The following HOXA3 variants were observed in gnomAD, a reference collection of about 807,000 sequenced individuals.
HOXA3 encodes the protein homeobox protein Hox-A3.
In HOXA3, 8 loss-of-function variants were observed where a neutral mutation model predicts 30.3. The ratio of observed to expected loss-of-function variants is 0.26; its 90% CI spans 0.15 to 0.48. HOXA3 has a LOEUF of 0.48. Among genes scored for constraint, HOXA3 ranks in the 20% least tolerant of loss-of-function variants. The pLI, the probability that HOXA3 is intolerant of heterozygous loss-of-function variation, is 0.99. For synonymous variants in HOXA3, 323 were observed against 273.1 expected, an observed-to-expected ratio of 1.18 and a Z score of -1.80; for missense variants, 653 against 614.4, an observed-to-expected ratio of 1.06 and a Z score of -0.66.
At position 27,145,451 on chromosome 7, in the gene HOXA3, T is replaced by TTTG. The variant is rs1782721567; in HGVS notation, c.-493-5266_-493-5265insCAA. ...CTGGTATTGGCTGTGTGTGAGGTTT[T>TTTG]GTTTTGTTTTGTTTTGTTTTGTTTT... On this transcript the variant is annotated intron_variant, in intron 1 of 5. Transcript: ENST00000612286. The TTTG allele has an allele frequency of 8.8e-5, 36 of 407,048 alleles. 1 individual carries two copies. Among genetic ancestry groups the TTTG allele is most frequent in the Admixed American group, 2.4e-4 (4 of 16,696 alleles). The allele number at this position is 407,048 out of a possible 1,614,324, so 25.2% of individuals were successfully genotyped here. A position where few individuals can be genotyped will look rare whatever the true frequency, so the allele number is the denominator to read the frequency against.
intron 1 of HOXA3, among the ~76,000 whole-genome samples, chr7:27,143,922 C>T (rs966426666): frequency 1.3e-5 from 2 of 152,220 alleles, no homozygotes; most frequent in African/African-American, 4.8e-5. Context: ...GAGCGCCACC[C>T]GCTGGAGGCA....
At chr7:27,124,091 T>C (rs116247676) in intron 3 of HOXA3, 284 of 152,400 alleles carry the variant, frequency 1.9e-3, no homozygotes, top group African/African-American at 6.6e-3. Context: ...TTATTTTTGC[T>C]GTTTCCTTAT....
chr7:27,125,826 A>C (rs1019863921), intron 3 of HOXA3, among the ~76,000 whole-genome samples: 2 of 152,206 alleles, frequency 1.3e-5, no homozygotes, highest in African/African-American at 4.8e-5. Flanking sequence ...CTATGTGGGA[A>C]CTGCTAGAGG....
At chr7:27,119,147 A>ACC (rs35394199) in intron 4 of HOXA3, among the ~76,000 whole-genome samples, 10 of 107,186 alleles carry the variant, frequency 9.3e-5, no homozygotes, top group East Asian at 5.8e-4. Context: ...TCTGCAAGAG[A>ACC]CCCCCCCCCC....
intron 4 of HOXA3, among the ~76,000 whole-genome samples, chr7:27,112,923 A>G (rs752032474): frequency 2.6e-5 from 4 of 152,350 alleles, no homozygotes; most frequent in Non-Finnish European, 5.9e-5. Context: ...TTTGAAAATC[A>G]AAGAGCATAC....
chr7:27,124,812 C>T (rs995398347), intron 3 of HOXA3, among the ~76,000 whole-genome samples: 10 of 152,182 alleles, frequency 6.6e-5, no homozygotes, highest in Non-Finnish European at 2.9e-5. Flanking sequence ...CTCCGGGGCA[C>T]ATTCATCCTT....
chr7:27,141,585 T>C (rs1782571018), intron 1 of HOXA3: 1 of 375,360 alleles, frequency 2.7e-6, no homozygotes, highest in Non-Finnish European at 4.8e-6. Context: ...GCTTGCTTCA[T>C]ATAAATAAGT....
At chr7:27,135,348 C>T (rs752020892) in intron 2 of HOXA3, among the ~76,000 whole-genome samples, 7 of 152,064 alleles carry the variant, frequency 4.6e-5, no homozygotes, top group Non-Finnish European at 1.0e-4. Context: ...ATTTCTCTTA[C>T]ATTCAATTGT....
intron 1 of HOXA3, chr7:27,145,625 G>T (rs1328213122): frequency 3.1e-6 from 5 of 1,596,940 alleles, no homozygotes; most frequent in Admixed American, 1.7e-5. Context: ...GCCGAAGGAG[G>T]TTGCAGCGCT....
rs1449096885 is a variant in HOXA3 at position 27,152,293 on chromosome 7, G to GAC, written c.-501_-500dup. 2.3e-6 allele frequency: 3 copies of GAC among 1,279,142 alleles called. No individual in the cohort carries two copies. The South Asian group carries it at 3.8e-5, about 16-fold the overall frequency. 79.2% of individuals were successfully genotyped at this position (1,279,142 alleles called of 1,614,324 possible). A position where few individuals can be genotyped will look rare whatever the true frequency, so the allele number is the denominator to read the frequency against. ...CTCCTCCCCACATGTCTCACCTTCA[G>GAC]ACGGTGGCTCCCAGAAGCTCCTGCC... On this transcript the variant is annotated 5_prime_UTR_variant, in exon 1 of 6. Transcript: ENST00000612286.
At chr7:27,110,817 C>T (rs1169284798) in intron 4 of HOXA3, 57 bp from the exon 5 acceptor site, 7 of 846,822 alleles carry the variant, frequency 8.3e-6, no homozygotes, top group African/African-American at 1.7e-5. Flanking sequence ...ATCTTACTCT[C>T]AATAGCTAAG....
At chr7:27,124,095 T>A (rs1010556479) in intron 3 of HOXA3, 1 of 152,240 alleles carries the variant, frequency 6.6e-6, no homozygotes, top group African/African-American at 2.4e-5. Context: ...TTTTGCTGTT[T>A]CCTTATCTCC....
At chr7:27,118,952 A>G (rs886882470) in intron 4 of HOXA3, among the ~76,000 whole-genome samples, 5 of 152,224 alleles carry the variant, frequency 3.3e-5, no homozygotes, top group African/African-American at 9.6e-5. Flanking sequence ...GGTTTTGTTC[A>G]GTGGGAGCCC....
At chr7:27,150,455 G>T (rs1782932849) in intron 1 of HOXA3, 1 of 152,464 alleles carries the variant, frequency 6.6e-6, no homozygotes, top group Non-Finnish European at 1.5e-5. Flanking sequence ...AGGCCACCTC[G>T]GTCCAGCCAG....
At chr7:27,134,458 G>A (rs1450501144) in intron 2 of HOXA3, among the ~76,000 whole-genome samples, 3 of 152,192 alleles carry the variant, frequency 2.0e-5, no homozygotes, top group Admixed American at 2.0e-4. Context: ...TAGCTAAGAG[G>A]TATCTATGGT....
chr7:27,144,870 C>G (rs1482061717), intron 1 of HOXA3, among the ~76,000 whole-genome samples: 2 of 152,232 alleles, frequency 1.3e-5, no homozygotes, highest in Non-Finnish European at 2.9e-5. Flanking sequence ...CTGGCGGCTC[C>G]CATGGCCCTG....
In HOXA3 at chr7:27,108,473, T is replaced by C. The variant is rs755039494; in HGVS notation, c.774A>G (p.Ser258=). 3 of 1,613,984 alleles carry C rather than the reference T, an allele frequency of 1.9e-6. No homozygotes were observed. Among genetic ancestry groups the C allele is most frequent in the African/African-American group, 2.7e-5 (2 of 74,914 alleles). ...TGCGACTTGGAGACTGGCCCCCCGATGACGTTAGCATGCCCTTGCCCTTCT... is the reference window on the plus strand; with the variant it reads ...TGCGACTTGGAGACTGGCCCCCCGACGACGTTAGCATGCCCTTGCCCTTCT... ...KDQKGKGMLT[S]SGGQSPSRSP... is the part of the protein sequence containing the mutation. Residue 258 remains serine (S), a synonymous_variant, in exon 6 of 6, where the codon TCA becomes TCG. Transcript: ENST00000612286. This position sits in a 1 kb window ranked among gnomAD's most constrained non-coding sequence, Gnocchi z 5.0.
At chr7:27,151,849 C>G (rs1454076980) in intron 1 of HOXA3, among the ~76,000 whole-genome samples, 1 of 152,158 alleles carries the variant, frequency 6.6e-6, no homozygotes, top group Non-Finnish European at 1.5e-5. Context: ...GGGAATCCAA[C>G]AAAACCAAAT....
chr7:27,110,676 A>C lies in HOXA3; in HGVS notation c.-36T>G, dbSNP rs1784321339. 1.9e-6 allele frequency: 3 copies of C among 1,590,918 alleles called. No individual in the cohort carries two copies. The African/African-American group carries it at 4.0e-5, about 21-fold the overall frequency. On this transcript the variant is annotated 5_prime_UTR_variant, in exon 5 of 6. Transcript: ENST00000612286. ...CACGATCTTGATCGCACACTCTGAC[A>C]GGGGTTTGACACCCGTGAGGGCGCA...
Sources: allele counts gnomAD v4.1 joint callset (sites outside exome capture counted in the v4.1 genomes callset), GRCh38; gene constraint gnomAD v4.1.1; non-coding constraint Gnocchi (gnomAD v3.1); transcripts MANE v1.5; gene names NCBI Gene and HGNC (gene_info 2026-07-23, HGNC 2026-07-21).